Variants in CACNG8 observed in about 807,000 individuals in gnomAD.
CACNG8 encodes the protein voltage-dependent calcium channel gamma-8 subunit.
In CACNG8, 5 loss-of-function variants were observed where a neutral mutation model predicts 26.9. That is an observed-to-expected ratio of 0.19 (90% CI 0.10 to 0.39). CACNG8 has a LOEUF of 0.39. CACNG8 is among the 10% of genes least tolerant of loss of function. CACNG8 has a pLI of 1.00. For synonymous variants in CACNG8, 321 were observed against 296.7 expected, an observed-to-expected ratio of 1.08 and a Z score of -0.84; for missense variants, 473 against 609.4, an observed-to-expected ratio of 0.78 and a Z score of 2.36.
intron 3 of CACNG8, 107 bp from the exon 4 acceptor site, chr19:53,981,973 G>A: frequency 4.0e-6 from 5 of 1,258,948 alleles, no homozygotes; most frequent in Non-Finnish European, 5.2e-6. Flanking sequence ...TAGACCGCCT[G>A]GGGGTGGCGC....
intron 3 of CACNG8, 104 bp from the exon 4 acceptor site, chr19:53,981,976 G>A: frequency 7.8e-7 from 1 of 1,279,220 alleles, no homozygotes; most frequent in Non-Finnish European, 1.0e-6. Context: ...ACCGCCTGGG[G>A]GTGGCGCCTG....
Position 53,969,049 on chromosome 19 carries a change from G to T in CACNG8, c.283+5624G>T, listed in dbSNP as rs537725107. On this transcript the variant is annotated intron_variant, in intron 1 of 3. Coordinates refer to ENST00000270458, the MANE Select transcript of CACNG8 (RefSeq NM_031895.6). Reference sequence around the variant, plus strand: ...GACAGATTCTTGCTCTGTCACCCAGGCTGGAGTGCAGAGGCGCGATCTCAA... The same window carrying T: ...GACAGATTCTTGCTCTGTCACCCAGTCTGGAGTGCAGAGGCGCGATCTCAA... 1.4e-4 allele frequency among the ~76,000 whole-genome samples: 22 copies of T among 152,032 alleles called. No individual in the cohort carries two copies. In the South Asian group the frequency reaches 4.4e-3, roughly 30 times the overall value.
At chr19:53,964,686 C>T (rs1394295673) in intron 1 of CACNG8, among the ~76,000 whole-genome samples, 18 of 152,234 alleles carry the variant, frequency 1.2e-4, no homozygotes, top group Non-Finnish European at 5.9e-5. Context: ...TCCAAGACTC[C>T]TGCCCTCTGC....
At chr19:53,980,716 C>T (rs2069361638) in intron 3 of CACNG8, among the ~76,000 whole-genome samples, 1 of 152,192 alleles carries the variant, frequency 6.6e-6, no homozygotes, top group Admixed American at 6.5e-5. Context: ...CAGTCAGTAC[C>T]TGGGATTGGC....
chr19:53,963,548 G>GAGGA, intron 1 of CACNG8, 123 bp downstream of exon 1: 8 of 988,534 alleles, frequency 8.1e-6, no homozygotes, highest in Non-Finnish European at 9.9e-6. Flanking sequence ...TCTGCCAGAG[G>GAGGA]GGCTTCTGCG....
chr19:53,963,625 G>A (rs1265265138), intron 1 of CACNG8, among the ~76,000 whole-genome samples, 200 bp downstream of exon 1: 1 of 151,852 alleles, frequency 6.6e-6, no homozygotes. Context: ...CTGGCACCCT[G>A]CGGAATTCCT....
intron 3 of CACNG8, 96 bp downstream of exon 3, chr19:53,980,103 TG>T: frequency 7.9e-7 from 1 of 1,271,342 alleles, no homozygotes. Context: ...CGCGCGTGAG[TG>T]CAAGTGCGCG....
chr19:53,979,874 C>G lies in CACNG8; in HGVS notation c.375C>G (p.Val125=), dbSNP rs977272042. ...TTCCTTCCTCCCCCGCAGGAGTTGT[C>G]CGGGCCTCCAGCATCTTCCCCATCC... The change falls in exon 3 of 4, where the codon GTC becomes GTG. Residue 125 remains valine (V), a synonymous_variant. Coordinates refer to ENST00000270458, the MANE Select transcript of CACNG8 (RefSeq NM_031895.6). The G allele has an allele frequency of 2.5e-6, 4 of 1,603,870 alleles. No homozygotes were observed. Among genetic ancestry groups the G allele is most frequent in the Middle Eastern group, 3.3e-4 (2 of 6,012 alleles).
At position 53,988,892 on chromosome 19, in the gene CACNG8, C is replaced by A. The variant is rs1190605811; in HGVS notation, c.*6043C>A. ...CACACTCTGGGATTCCCCCTGTAGA[C>A]CCTGTCAAGACCTATTGAGGTGAAG... is the stretch of plus-strand genomic sequence containing the variant. On this transcript the variant is annotated 3_prime_UTR_variant, in exon 4 of 4. Coordinates refer to ENST00000270458, the MANE Select transcript of CACNG8 (RefSeq NM_031895.6). 6.6e-6 allele frequency: 1 copy of A among 152,298 alleles called. No homozygotes were observed. Among genetic ancestry groups the A allele is most frequent in the East Asian group, 1.9e-4 (1 of 5,192 alleles). The allele number at this position is 152,298 out of a possible 1,614,324, so 9.4% of individuals were successfully genotyped here.
intron 1 of CACNG8, among the ~76,000 whole-genome samples, chr19:53,975,757 A>G (rs10402220): frequency 0.015 from 2,354 of 152,344 alleles, 63 homozygotes; most frequent in African/African-American, 0.053. Context: ...CTGGTAATAC[A>G]GTGTCGAACA....
rs1410323687 is a variant in CACNG8 at position 53,989,932 on chromosome 19, T to G, written c.*7083T>G. ...GGAAACACGTGCTCCATCGGAAAAG[T>G]CCAGAGCAGGGGGTGGGCAGAGAGG... On this transcript the variant is annotated 3_prime_UTR_variant, in exon 4 of 4. Transcript: ENST00000270458. 6.6e-6 allele frequency: 1 copy of G among 152,420 alleles called. No individual in the cohort carries two copies. The highest frequency in any genetic ancestry group is 2.4e-5 in the African/African-American group (1 of 41,434). 9.4% of individuals were successfully genotyped at this position (152,420 alleles called of 1,614,324 possible). A position where few individuals can be genotyped will look rare whatever the true frequency, so the allele number is the denominator to read the frequency against.
chr19:53,972,361 CTTTTTT>C (rs577196456), intron 1 of CACNG8, among the ~76,000 whole-genome samples: 4 of 106,288 alleles, frequency 3.8e-5, no homozygotes, highest in Admixed American at 2.3e-4. Context: ...TTCTTCTTTT[CTTTTTT>C]TTTTTTTTTT....
rs775604421 is a variant in CACNG8, at chr19:53,982,747, GCCCGCGCCA to G, written c.1185_1193del (p.Pro396_Pro398del). 3.5e-5 allele frequency: 42 copies of G among 1,200,478 alleles called. No individual in the cohort carries two copies. The highest frequency in any genetic ancestry group is 6.7e-4 in the Middle Eastern group (2 of 2,986). 74.4% of individuals were successfully genotyped at this position (1,200,478 alleles called of 1,614,324 possible). On this transcript the variant is annotated inframe_deletion, in exon 4 of 4. Transcript: ENST00000270458. The surrounding 1 kb of genome is among the most constrained non-coding windows in gnomAD (Gnocchi z 8.4). Reference sequence around the variant, plus strand: ...TCACCGGGCCGCCCGCCCCGCCCGCGCCCGCGCCACCCGCGCCCTCTGCGCCCGCCCCCG... The same window carrying G: ...TCACCGGGCCGCCCGCCCCGCCCGCGCCCGCGCCCTCTGCGCCCGCCCCCG...
chr19:53,979,840 C>T, intron 2 of CACNG8, 27 bp from the exon 3 acceptor site: 1 of 1,579,378 alleles, frequency 6.3e-7, no homozygotes, highest in Non-Finnish European at 8.6e-7. Flanking sequence ...CGCTCTCCCT[C>T]CTTTTCCTTT....
intron 1 of CACNG8, among the ~76,000 whole-genome samples, chr19:53,967,962 T>C (rs1446855151): frequency 6.6e-6 from 1 of 152,178 alleles, no homozygotes; most frequent in Non-Finnish European, 1.5e-5. Flanking sequence ...CTGTGAGCCA[T>C]AGCTGGCTGA....
intron 3 of CACNG8, among the ~76,000 whole-genome samples, chr19:53,981,143 C>T (rs1239955498): frequency 2.0e-5 from 3 of 152,020 alleles, no homozygotes; most frequent in South Asian, 4.1e-4. Context: ...ATGGATACTC[C>T]GGCAGGAATT....
chr19:53,968,476 T>C (rs551098961), intron 1 of CACNG8, among the ~76,000 whole-genome samples: 45 of 151,446 alleles, frequency 3.0e-4, no homozygotes, highest in Non-Finnish European at 5.9e-4. Flanking sequence ...ACTATTAAAA[T>C]GTGAGGGAGA....
rs2069419950 is a variant in CACNG8 at position 53,988,310 on chromosome 19, GAC to G, written c.*5465_*5466del. The G allele has an allele frequency of 6.7e-6, 1 of 150,108 alleles. No individual in the cohort carries two copies. Among genetic ancestry groups the G allele is most frequent in the South Asian group, 2.1e-4 (1 of 4,698 alleles). 9.3% of individuals were successfully genotyped at this position (150,108 alleles called of 1,614,324 possible). A position where few individuals can be genotyped will look rare whatever the true frequency, so the allele number is the denominator to read the frequency against. ...TGTGTGTGTGTGTGTGTGTGTAACTGACACAAAGGCCAGGTGCGATGGCTCAC... is the reference window on the plus strand; with the variant it reads ...TGTGTGTGTGTGTGTGTGTGTAACTGACAAAGGCCAGGTGCGATGGCTCAC... On this transcript the variant is annotated 3_prime_UTR_variant, in exon 4 of 4. Transcript: ENST00000270458.
At chr19:53,969,757 G>A (rs1470936184) in intron 1 of CACNG8, among the ~76,000 whole-genome samples, 2 of 152,214 alleles carry the variant, frequency 1.3e-5, no homozygotes, top group Non-Finnish European at 2.9e-5. Flanking sequence ...GAGAGATGCA[G>A]TAGAATGTAA....
Sources: allele counts gnomAD v4.1 joint callset (sites outside exome capture counted in the v4.1 genomes callset), GRCh38; gene constraint gnomAD v4.1.1; non-coding constraint Gnocchi (gnomAD v3.1); transcripts MANE v1.5; gene names NCBI Gene and HGNC (gene_info 2026-07-23, HGNC 2026-07-21).